FRMPD4: variants seen among roughly 807,000 people sequenced by gnomAD.
FRMPD4 encodes FERM and PDZ domain containing 4.
FRMPD4 carries 22 observed loss-of-function variants against 94.1 expected under a neutral mutation model. The ratio of observed to expected loss-of-function variants is 0.23; its 90% CI spans 0.17 to 0.33. The LOEUF is 0.33. FRMPD4 is among the 10% of genes least tolerant of loss of function. FRMPD4 has a pLI of 1.00. For missense variants in FRMPD4, 1,111 were observed against 1,339.9 expected (o/e 0.83, Z 2.67); for synonymous variants, 631 against 548.6 (o/e 1.15, Z -2.10).
intron 3 of FRMPD4, among the ~76,000 whole-genome samples, chrX:11,943,582 A>ACTAACCCACTCT (rs2147358789): frequency 9.0e-6 from 1 of 110,502 alleles, no homozygotes; most frequent in South Asian, 3.9e-4. Context: ...TCTCTGGATA[A>ACTAACCCACTCT]CTGACCCACT....
At chrX:12,291,175 C>T (rs1207990461) in intron 1 of FRMPD4, among the ~76,000 whole-genome samples, 1 of 112,293 alleles carries the variant, frequency 8.9e-6, no homozygotes, top group Non-Finnish European at 1.9e-5. Flanking sequence ...TAGGAAGCTT[C>T]CCTGTCAAGT....
intron 7 of FRMPD4, 115 bp downstream of exon 7, chrX:12,686,319 T>G (rs1252557047): frequency 9.2e-6 from 4 of 433,190 alleles, no homozygotes; most frequent in Non-Finnish European, 1.6e-5. Context: ...TCTGCAGTTT[T>G]GTTGATTGCC....
chrX:12,214,943 A>T (rs1435802580), intron 1 of FRMPD4, among the ~76,000 whole-genome samples: 1 of 112,110 alleles, frequency 8.9e-6, no homozygotes, highest in African/African-American at 3.2e-5. Flanking sequence ...TGTAATTGGT[A>T]ATTATACATA....
intron 3 of FRMPD4, among the ~76,000 whole-genome samples, chrX:12,095,977 C>G (rs2055197429): frequency 8.9e-6 from 1 of 111,962 alleles, no homozygotes; most frequent in South Asian, 3.8e-4. Context: ...GCCTTTCCCT[C>G]TGTAAGATTC....
At chrX:12,651,195 T>A (rs1030531462) in intron 4 of FRMPD4, among the ~76,000 whole-genome samples, 2 of 112,293 alleles carry the variant, frequency 1.8e-5, no homozygotes, top group Non-Finnish European at 3.8e-5. Flanking sequence ...ATGCTCCACA[T>A]CCTACGTAGC....
chrX:11,837,696 A>C (rs777068292), intron 1 of FRMPD4, among the ~76,000 whole-genome samples: 31 of 111,185 alleles, frequency 2.8e-4, no homozygotes, highest in Middle Eastern at 4.6e-3. Context: ...ATGAGAATGG[A>C]GTTCGTTTGT....
intron 3 of FRMPD4, among the ~76,000 whole-genome samples, chrX:12,109,075 A>G (rs1055660730): frequency 2.7e-5 from 3 of 111,730 alleles, no homozygotes; most frequent in African/African-American, 9.8e-5. Context: ...AAGCGGACCT[A>G]ATAGACATCT....
intron 4 of FRMPD4, among the ~76,000 whole-genome samples, chrX:12,615,342 A>G (rs774017615): frequency 8.9e-6 from 1 of 112,637 alleles, no homozygotes; most frequent in Non-Finnish European, 1.9e-5. Context: ...GAGATTATCA[A>G]CTGTGGCAAT....
At position 12,028,567 on chromosome X, in the gene FRMPD4, C is replaced by T. The variant is rs559294033; in HGVS notation, c.95+150549C>T. 1.1e-4 allele frequency among the ~76,000 whole-genome samples: 12 copies of T among 111,083 alleles called. No homozygotes were observed. The South Asian group carries it at 4.7e-3, about 44-fold the overall frequency. On this transcript the variant is annotated intron_variant, in intron 3 of 18. Transcript: ENST00000640291. ...ATGGGTTAAGACAAGTGTGTAATAA[C>T]ATGTGTCTACCAATATAGTATCATA... is the stretch of plus-strand genomic sequence containing the variant.
intron 2 of FRMPD4, among the ~76,000 whole-genome samples, chrX:12,508,406 T>G (rs921860716): frequency 8.9e-6 from 1 of 112,399 alleles, no homozygotes; most frequent in African/African-American, 3.2e-5. Context: ...TTGGTTTTGG[T>G]CCAGAAATTA....
At chrX:12,628,096 A>G (rs966892443) in intron 4 of FRMPD4, among the ~76,000 whole-genome samples, 4 of 110,947 alleles carry the variant, frequency 3.6e-5, no homozygotes, top group African/African-American at 6.5e-5. Context: ...AGCGAAATCT[A>G]TTTTTACAGG....
At chrX:12,358,559 G>T (rs2055930639) in intron 1 of FRMPD4, among the ~76,000 whole-genome samples, 2 of 111,207 alleles carry the variant, frequency 1.8e-5, no homozygotes, top group Non-Finnish European at 3.8e-5. Flanking sequence ...CTTTACAATT[G>T]TGCATAAAGA....
At position 12,229,957 on chromosome X, in the gene FRMPD4, C is replaced by T. The variant is rs778325833; in HGVS notation, c.41+90945C>T. Among the ~76,000 whole-genome samples the T allele has an allele frequency of 2.7e-5, 3 of 112,194 alleles. No individual in the cohort carries two copies. The East Asian group carries it at 8.4e-4, about 31-fold the overall frequency. On this transcript the variant is annotated intron_variant, in intron 1 of 16. Transcript: ENST00000675598. ...CTTGTCATTTTTCTAGACCTTTCTG[C>T]TGCATTTGAATCTTTTGACCCCACC...
intron 1 of FRMPD4, among the ~76,000 whole-genome samples, chrX:12,427,086 A>T (rs1475551775): frequency 8.9e-6 from 1 of 111,760 alleles, no homozygotes; most frequent in Non-Finnish European, 1.9e-5. Context: ...GCATAATGTA[A>T]AACATTAGTT....
At chrX:11,945,147 GC>G (rs1164896601) in intron 3 of FRMPD4, among the ~76,000 whole-genome samples, 2 of 111,205 alleles carry the variant, frequency 1.8e-5, no homozygotes, top group Admixed American at 1.9e-4. Flanking sequence ...TCATTTTCTT[GC>G]CCCTCCAACC....
At chrX:12,027,668 A>G (rs1034608052) in intron 3 of FRMPD4, among the ~76,000 whole-genome samples, 1 of 112,451 alleles carries the variant, frequency 8.9e-6, no homozygotes, top group African/African-American at 3.2e-5. Flanking sequence ...ATTGGACTTC[A>G]TAATGCAGTT....
chrX:11,944,603 G>A (rs1254289096), intron 3 of FRMPD4, among the ~76,000 whole-genome samples: 1 of 111,673 alleles, frequency 9.0e-6, no homozygotes, highest in African/African-American at 3.3e-5. Flanking sequence ...CCCTTTCAAA[G>A]AAGGGCTAGG....
chrX:12,680,047 T>C (rs774359331), intron 5 of FRMPD4, among the ~76,000 whole-genome samples: 1 of 112,172 alleles, frequency 8.9e-6, no homozygotes, highest in Non-Finnish European at 1.9e-5. Context: ...TGTACAGCTC[T>C]AGGAATTGCA....
chrX:12,477,069 C>T (rs1430601646), intron 1 of FRMPD4, among the ~76,000 whole-genome samples: 35 of 111,323 alleles, frequency 3.1e-4, no homozygotes, highest in African/African-American at 9.6e-4. Context: ...TGTCCAACAA[C>T]GATAGACTAG....
Sources: gnomAD v4.1 joint callset for allele counts (sites outside exome capture counted in the v4.1 genomes callset) on GRCh38, gnomAD v4.1.1 for gene constraint, MANE v1.5 for transcripts, NCBI Gene and HGNC (gene_info 2026-07-23, HGNC 2026-07-21) for gene names.